Variants in NRK observed in about 807,000 individuals in gnomAD.
The protein encoded by NRK is Nik related kinase, also known as nik-related protein kinase.
NRK carries 67 observed loss-of-function variants against 125.2 expected under a neutral mutation model. That is an observed-to-expected ratio of 0.54 (90% CI 0.44 to 0.66). NRK has a LOEUF of 0.66. Among genes scored for constraint, NRK ranks in the 30% least tolerant of loss-of-function variants. NRK has a pLI of 0.00. For missense variants in NRK, 1,224 were observed against 1,192.9 expected (o/e 1.03, Z -0.38); for synonymous variants, 458 against 429.0 (o/e 1.07, Z -0.84).
chrX:105,935,813 T>A (rs1009643617), intron 21 of NRK, among the ~76,000 whole-genome samples: 11 of 102,680 alleles, frequency 1.1e-4, no homozygotes, highest in South Asian at 4.1e-4. Flanking sequence ...TTATTATATT[T>A]TATATATATA....
rs1329969888 is a variant in NRK, at chrX:105,908,983, C to A, written c.1342C>A (p.Pro448Thr). The change falls in exon 13 of 29, where the codon CCA becomes ACA. Residue 448 changes from proline (P) to threonine (T), a missense_variant. Coordinates refer to ENST00000243300, the MANE Select transcript of NRK (RefSeq NM_198465.4). ...RLQGAARVFM[P>T]LQAQVKAKAS... ...ACAAGGGGCAGCTCGGGTGTTCATGCCACTACAGGCTCAGGTGAAGGCTAA... is the reference window on the plus strand; with the variant it reads ...ACAAGGGGCAGCTCGGGTGTTCATGACACTACAGGCTCAGGTGAAGGCTAA... The A allele has an allele frequency of 8.3e-7, 1 of 1,208,791 alleles. No homozygotes were observed. The highest frequency in any genetic ancestry group is 2.2e-5 in the Admixed American group (1 of 45,978).
rs984600010 is a variant in NRK at position 105,956,373 on chromosome X, C to T, written c.*773C>T. On this transcript the variant is annotated 3_prime_UTR_variant, in exon 29 of 29. Transcript: ENST00000243300. Reference sequence around the variant, plus strand: ...GAATACAGGACTGAACTCCTATACACGTGTACTGTAGAATGAGTATTTTTT... The same window carrying T: ...GAATACAGGACTGAACTCCTATACATGTGTACTGTAGAATGAGTATTTTTT... The T allele has an allele frequency of 9.0e-6, 1 of 111,506 alleles. No homozygotes were observed. Among genetic ancestry groups the T allele is most frequent in the African/African-American group, 3.3e-5 (1 of 30,678 alleles). The allele number at this position is 111,506 out of a possible 1,213,427, so 9.2% of individuals were successfully genotyped here. A position where few individuals can be genotyped will look rare whatever the true frequency, so the allele number is the denominator to read the frequency against.
chrX:105,920,424 T>C (rs1046539899), intron 16 of NRK, among the ~76,000 whole-genome samples: 1 of 105,117 alleles, frequency 9.5e-6, no homozygotes, highest in Non-Finnish European at 1.9e-5. Context: ...TTTCCAATTC[T>C]GTGAAGAAAG....
intron 28 of NRK, 119 bp from the exon 29 acceptor site, chrX:105,955,386 C>A: frequency 2.5e-6 from 1 of 393,507 alleles, no homozygotes; most frequent in Non-Finnish European, 4.5e-6. Flanking sequence ...CAAACTATTC[C>A]ACAAAACAGT....
chrX:105,827,943 A>G (rs780672183), intron 1 of NRK, among the ~76,000 whole-genome samples: 22 of 111,616 alleles, frequency 2.0e-4, no homozygotes, highest in Non-Finnish European at 3.0e-4. Flanking sequence ...AAAGGACCAA[A>G]TAATTATGGA....
chrX:105,934,841 C>T (rs140603580), intron 20 of NRK, among the ~76,000 whole-genome samples: 1,653 of 111,691 alleles, frequency 0.015, 34 homozygotes, highest in African/African-American at 0.051. Context: ...AATAAGATCT[C>T]GCTCTGTCAC....
intron 13 of NRK, among the ~76,000 whole-genome samples, chrX:105,910,834 G>A (rs2040290812): frequency 9.0e-6 from 1 of 111,604 alleles, no homozygotes; most frequent in Non-Finnish European, 1.9e-5. Flanking sequence ...TGGCGTCAGT[G>A]GGGTCCTTCA....
chrX:105,900,672 C>T lies in NRK; in HGVS notation c.766C>T (p.Pro256Ser). Residue 256 changes from proline (P) to serine (S), a missense_variant and splice_region_variant, in exon 9 of 29, where the codon CCT (proline) becomes TCT (serine). By Grantham distance (74) the Pro-to-Ser change is moderately conservative. Coordinates refer to ENST00000243300, the MANE Select transcript of NRK (RefSeq NM_198465.4). ...TAIEMAEGAP[P>S]LCNLQPLEAL... ...CATTGAAATGGCTGAAGGAGCCCCTCGTGAGTAAAAAATGTTTGATATTTG... is the reference window on the plus strand; with the variant it reads ...CATTGAAATGGCTGAAGGAGCCCCTTGTGAGTAAAAAATGTTTGATATTTG... The T allele has an allele frequency of 5.5e-6, 6 of 1,099,399 alleles. No homozygotes were observed. The highest frequency in any genetic ancestry group is 7.5e-6 in the Non-Finnish European group (6 of 797,822). The allele number at this position is 1,099,399 out of a possible 1,213,427, so 90.6% of individuals were successfully genotyped here. A position where few individuals can be genotyped will look rare whatever the true frequency, so the allele number is the denominator to read the frequency against.
At chrX:105,868,754 A>G (rs1424855758) in intron 2 of NRK, among the ~76,000 whole-genome samples, 1 of 98,741 alleles carries the variant, frequency 1.0e-5, no homozygotes, top group East Asian at 3.5e-4. Context: ...CACAACTGTA[A>G]GGGATATATT....
chrX:105,895,553 C>T, intron 7 of NRK, 30 bp downstream of exon 7: 1 of 922,875 alleles, frequency 1.1e-6, no homozygotes, highest in Non-Finnish European at 1.6e-6. Flanking sequence ...ATTTTAAGTC[C>T]AAAACATCTT....
chrX:105,927,534 G>A (rs2040540137), intron 19 of NRK, among the ~76,000 whole-genome samples: 1 of 111,316 alleles, frequency 9.0e-6, no homozygotes. Flanking sequence ...AGTGGTGAAA[G>A]TGGATATTTT....
chrX:105,946,226 T>C, intron 25 of NRK, 89 bp from the exon 26 acceptor site: 2 of 893,525 alleles, frequency 2.2e-6, no homozygotes, highest in Non-Finnish European at 3.1e-6. Flanking sequence ...TTTGTACACT[T>C]ATAAACCTGA....
chrX:105,859,165 AAG>A (rs771766751), intron 2 of NRK, among the ~76,000 whole-genome samples: 1 of 111,769 alleles, frequency 8.9e-6, no homozygotes, highest in African/African-American at 3.2e-5. Context: ...AGTTAGATAA[AAG>A]AGAAAAAACC....
rs369253049 is a variant in NRK at position 105,955,558 on chromosome X, A to G, written c.4707A>G (p.Thr1569=). 69 of 1,183,791 alleles carry G rather than the reference A, an allele frequency of 5.8e-5. No homozygotes were observed. The highest frequency in any genetic ancestry group is 3.7e-5 in the Non-Finnish European group (32 of 876,552). The change falls in exon 29 of 29, where the codon ACA becomes ACG. Residue 1569 remains threonine (T), a synonymous_variant. Transcript: ENST00000243300. ...ACCACAGCCGGGTTTACTTCATGAC[A>G]CTTGGAAAACTTGAAGAGCTCCAAA... ...RNHHSRVYFM[T]LGKLEELQSN... is the part of the protein sequence containing the mutation.
At chrX:105,921,580 G>A (rs941213085) in intron 16 of NRK, among the ~76,000 whole-genome samples, 26 of 109,066 alleles carry the variant, frequency 2.4e-4, no homozygotes, top group African/African-American at 8.0e-4. Context: ...TTTTCTACTG[G>A]TCAGTATGTG....
chrX:105,951,281 T>C (rs772938037), intron 27 of NRK, among the ~76,000 whole-genome samples: 54 of 111,433 alleles, frequency 4.8e-4, no homozygotes, highest in South Asian at 1.1e-3. Context: ...CAAACCCTTA[T>C]ATTTATGCCA....
chrX:105,836,232 A>G (rs1377607337), intron 2 of NRK, among the ~76,000 whole-genome samples: 2 of 111,939 alleles, frequency 1.8e-5, no homozygotes, highest in East Asian at 5.7e-4. Context: ...CAACTTTCAC[A>G]TCCTCATCAA....
chrX:105,851,916 A>C (rs1276407023), intron 2 of NRK, among the ~76,000 whole-genome samples: 1 of 111,723 alleles, frequency 9.0e-6, no homozygotes, highest in Non-Finnish European at 1.9e-5. Context: ...AAAAGGGGAA[A>C]GGCTGGAGGG....
chrX:105,860,321 T>C (rs2039585768), intron 2 of NRK, among the ~76,000 whole-genome samples: 1 of 111,651 alleles, frequency 9.0e-6, no homozygotes, highest in African/African-American at 3.3e-5. Context: ...ATGTATCTTT[T>C]CAAAAAATTT....
Sources: gnomAD v4.1 joint callset for allele counts (sites outside exome capture counted in the v4.1 genomes callset) on GRCh38, gnomAD v4.1.1 for gene constraint, MANE v1.5 for transcripts, NCBI Gene and HGNC (gene_info 2026-07-23, HGNC 2026-07-21) for gene names.